Variants in DNM2 observed in about 807,000 individuals in gnomAD.
DNM2 encodes dynamin 2.
DNM2 carries 15 observed loss-of-function variants against 99.0 expected under a neutral mutation model. That is an observed-to-expected ratio of 0.15 (90% CI 0.10 to 0.23). The LOEUF (loss-of-function observed/expected upper bound fraction) is 0.23. Among genes scored for constraint, DNM2 ranks in the 10% least tolerant of loss-of-function variants. The pLI, the probability that DNM2 is intolerant of heterozygous loss-of-function variation, is 1.00. For synonymous variants in DNM2, 525 were observed against 481.2 expected (o/e 1.09, Z -1.19); for missense variants, 742 against 1,189.4 (o/e 0.62, Z 5.53).
chr19:10,830,872 C>T lies in DNM2; in HGVS notation c.2544-106C>T. On this transcript the variant is annotated intron_variant, in intron 20 of 20. Coordinates refer to ENST00000389253, the MANE Select transcript of DNM2 (RefSeq NM_001005361.3). The surrounding 1 kb of genome is among the most constrained non-coding windows in gnomAD (Gnocchi z 4.8). ...TTGCGGAGGTCAGCCTGGGAACACC[C>T]TGGGGTGGTGTGTGGGTGGGGGCTG... The T allele has an allele frequency of 1.5e-6, 2 of 1,375,342 alleles. No individual in the cohort carries two copies. The highest frequency in any genetic ancestry group is 2.0e-6 in the Non-Finnish European group (2 of 1,014,202). 85.2% of individuals were successfully genotyped at this position (1,375,342 alleles called of 1,614,324 possible). A position where few individuals can be genotyped will look rare whatever the true frequency, so the allele number is the denominator to read the frequency against.
At chr19:10,737,685 A>T (rs57667786) in intron 1 of DNM2, among the ~76,000 whole-genome samples, 15,904 of 152,108 alleles carry the variant, frequency 0.1, 1,285 homozygotes, top group East Asian at 0.37. Flanking sequence ...AGGTTTCACT[A>T]TGTTGGCCAG....
In DNM2 at chr19:10,831,478, C is replaced by T. The variant is rs575248424; in HGVS notation, c.*431C>T. On this transcript the variant is annotated 3_prime_UTR_variant, in exon 21 of 21. Transcript: ENST00000389253. The surrounding 1 kb of genome is among the most constrained non-coding windows in gnomAD (Gnocchi z 4.3). ...CTGGGGTGCAGGGGTATATCAACTT[C>T]CCATTAGCAGGAGCTCCCCAGCGGC... The T allele has an allele frequency of 1.3e-5, 13 of 991,046 alleles. No individual in the cohort carries two copies. The South Asian group carries it at 6.1e-4, about 46-fold the overall frequency. The allele number at this position is 991,046 out of a possible 1,614,324, so 61.4% of individuals were successfully genotyped here.
At position 10,795,700 on chromosome 19, in the gene DNM2, T is replaced by TG; in HGVS notation, c.1196+263dup. 2 of 586,558 alleles carry TG rather than the reference T, an allele frequency of 3.4e-6. No individual in the cohort carries two copies. Among genetic ancestry groups the TG allele is most frequent in the South Asian group, 4.0e-5 (2 of 50,532 alleles). The allele number at this position is 586,558 out of a possible 1,614,324, so 36.3% of individuals were successfully genotyped here. A position where few individuals can be genotyped will look rare whatever the true frequency, so the allele number is the denominator to read the frequency against. On this transcript the variant is annotated intron_variant, in intron 9 of 20. Transcript: ENST00000389253. The surrounding 1 kb of genome is among the most constrained non-coding windows in gnomAD (Gnocchi z 4.2). ...AGGGCTTAGTTCCTGCCCAGTCGGTTGGTGTGAACCTCATGCTAAACTAAG... is the reference window on the plus strand; with the variant it reads ...AGGGCTTAGTTCCTGCCCAGTCGGTTGGGTGTGAACCTCATGCTAAACTAAG...
At position 10,795,220 on chromosome 19, in the gene DNM2, C is replaced by T. The variant is rs1374839470; in HGVS notation, c.1129-152C>T. The T allele has an allele frequency of 1.4e-6, 1 of 738,924 alleles. No individual in the cohort carries two copies. Among genetic ancestry groups the T allele is most frequent in the Non-Finnish European group, 2.3e-6 (1 of 430,656 alleles). The allele number at this position is 738,924 out of a possible 1,614,324, so 45.8% of individuals were successfully genotyped here. On this transcript the variant is annotated intron_variant, in intron 8 of 20. Transcript: ENST00000389253. The surrounding 1 kb of genome is among the most constrained non-coding windows in gnomAD (Gnocchi z 4.2). ...ACAGGTGTGAGCCACTGTATCTGGC[C>T]AGTTTTCAATTTTTTAAATAAAATT... is the stretch of plus-strand genomic sequence containing the variant.
chr19:10,797,143 A>G (rs2071963745), intron 9 of DNM2, among the ~76,000 whole-genome samples: 1 of 152,026 alleles, frequency 6.6e-6, no homozygotes, highest in African/African-American at 2.4e-5. Flanking sequence ...TGTCTGTGCA[A>G]TGACAACCCC....
chr19:10,787,674 G>C (rs1223407864), intron 7 of DNM2, among the ~76,000 whole-genome samples: 1 of 148,660 alleles, frequency 6.7e-6, no homozygotes, highest in Non-Finnish European at 1.5e-5. Flanking sequence ...AGAATGACAT[G>C]AACCCAGGAG....
intron 1 of DNM2, chr19:10,759,530 C>T: frequency 1.6e-6 from 1 of 639,638 alleles, no homozygotes; most frequent in Non-Finnish European, 2.8e-6. Context: ...TGGTTCTGGT[C>T]ACTATGACCT....
intron 1 of DNM2, among the ~76,000 whole-genome samples, chr19:10,754,573 T>C (rs568307224): frequency 6.6e-6 from 1 of 151,518 alleles, no homozygotes; most frequent in Non-Finnish European, 1.5e-5. Context: ...CTTAAACATA[T>C]ACCTTGATTT....
chr19:10,802,447 G>A, intron 12 of DNM2, 89 bp downstream of exon 12: 2 of 1,437,332 alleles, frequency 1.4e-6, no homozygotes, highest in East Asian at 2.3e-5. Flanking sequence ...TCTCTGAGAG[G>A]GCAGGTGTCA....
At chr19:10,792,413 G>A (rs1215483218) in intron 7 of DNM2, among the ~76,000 whole-genome samples, 1 of 152,196 alleles carries the variant, frequency 6.6e-6, no homozygotes, top group Non-Finnish European at 1.5e-5. Context: ...GTACCCTAAG[G>A]AGAGCAATTA....
At position 10,830,957 on chromosome 19, in the gene DNM2, C is replaced by T; in HGVS notation, c.2544-21C>T. ...CTCACTGCCGTCTCCCCCTCCCCAC[C>T]TGTCTTTATTCTCTTTGCAGCAGAA... On this transcript the variant is annotated intron_variant, in intron 20 of 20. Coordinates refer to ENST00000389253, the MANE Select transcript of DNM2 (RefSeq NM_001005361.3). This position sits in a 1 kb window ranked among gnomAD's most constrained non-coding sequence, Gnocchi z 4.8. The T allele has an allele frequency of 6.2e-7, 1 of 1,607,598 alleles. No individual in the cohort carries two copies. Among genetic ancestry groups the T allele is most frequent in the South Asian group, 1.1e-5 (1 of 89,884 alleles).
intron 1 of DNM2, chr19:10,759,489 G>A (rs1378348505): frequency 2.3e-5 from 13 of 566,790 alleles, no homozygotes; most frequent in South Asian, 8.2e-5. Flanking sequence ...CTGGGAGTAC[G>A]GGGGGTGGGG....
At chr19:10,755,853 G>A (rs377108722) in intron 1 of DNM2, among the ~76,000 whole-genome samples, 1 of 151,936 alleles carries the variant, frequency 6.6e-6, no homozygotes, top group African/African-American at 2.4e-5. Context: ...AAGTAAAGGC[G>A]GGGTTTCACC....
chr19:10,779,807 CCA>C (rs2071296954), intron 5 of DNM2, among the ~76,000 whole-genome samples: 1 of 152,076 alleles, frequency 6.6e-6, no homozygotes, highest in South Asian at 2.1e-4. Flanking sequence ...GCACTCGCCA[CCA>C]CACACAGCTG....
intron 5 of DNM2, among the ~76,000 whole-genome samples, chr19:10,782,482 C>T (rs1158974533): frequency 1.3e-5 from 2 of 152,018 alleles, no homozygotes; most frequent in Non-Finnish European, 2.9e-5. Flanking sequence ...CCTCAGCCTC[C>T]CGAGTACCTG....
rs781546006 is a variant in DNM2 at position 10,783,083 on chromosome 19, G to T, written c.812G>T (p.Arg271Leu). Residue 271 changes from arginine to leucine, a missense_variant, in exon 6 of 21, where the codon CGC becomes CTC. By Grantham distance (102) the Arg-to-Leu change is moderately radical (BLOSUM62 -2). This residue lies in a region of DNM2 where 192 missense variants were observed against 358.9 expected (regional missense o/e 0.54). Transcript: ENST00000389253. ...SHPAYRHMAD[R>L]MGTPHLQKTL... is the part of the protein sequence containing the mutation. ...CCGGCCTACCGGCACATGGCCGACCGCATGGGCACGCCACATCTGCAGAAG... is the reference window on the plus strand; with the variant it reads ...CCGGCCTACCGGCACATGGCCGACCTCATGGGCACGCCACATCTGCAGAAG... 6.2e-7 allele frequency: 1 copy of T among 1,613,400 alleles called. No individual in the cohort carries two copies. The highest frequency in any genetic ancestry group is 1.1e-5 in the South Asian group (1 of 91,092).
intron 1 of DNM2, among the ~76,000 whole-genome samples, chr19:10,747,710 C>T (rs968124639): frequency 1.3e-5 from 2 of 152,160 alleles, no homozygotes; most frequent in South Asian, 2.1e-4. Flanking sequence ...CGGGACCCTG[C>T]GCCCATGAGG....
At position 10,798,527 on chromosome 19, in the gene DNM2, C is replaced by T. The variant is rs369345296; in HGVS notation, c.1377C>T (p.Ile459=). The T allele has an allele frequency of 5.5e-5, 89 of 1,614,090 alleles. No homozygotes were observed. The highest frequency in any genetic ancestry group is 4.5e-5 in the East Asian group (2 of 44,892). Residue 459 remains isoleucine (I), a synonymous_variant, in exon 11 of 21, where the codon ATC becomes ATT. Coordinates refer to ENST00000389253, the MANE Select transcript of DNM2 (RefSeq NM_001005361.3). ...GGTTGCGAGAGGAGACAGAGCGAAT[C>T]GTCACCACTTACATCCGGGAACGGG... ...YPRLREETER[I]VTTYIREREG... is the part of the protein sequence containing the mutation.
intron 1 of DNM2, among the ~76,000 whole-genome samples, chr19:10,741,604 C>T (rs1000987209): frequency 6.7e-6 from 1 of 150,140 alleles, no homozygotes; most frequent in African/African-American, 2.5e-5. Flanking sequence ...GGCTGGAGTG[C>T]AGTGGCGCGA....
Sources: gnomAD v4.1 joint callset for allele counts (sites outside exome capture counted in the v4.1 genomes callset) on GRCh38, gnomAD v4.1.1 for gene constraint, gnomAD v4.1.1 regional missense constraint, Gnocchi (gnomAD v3.1) non-coding constraint, MANE v1.5 for transcripts, NCBI Gene and HGNC (gene_info 2026-07-23, HGNC 2026-07-21) for gene names.